The following B9D1 variants were observed in gnomAD, a reference collection of about 807,000 sequenced individuals.
B9D1 encodes the protein B9 domain containing 1, also known as B9 domain-containing protein 1.
In B9D1, 20 loss-of-function variants were observed where a neutral mutation model predicts 26.1. That is an observed-to-expected ratio of 0.77 (90% CI 0.54 to 1.12). The LOEUF is 1.12. Ranked by LOEUF, B9D1 falls within the 50% of genes most tolerant of loss-of-function variation. The pLI is 0.00. For synonymous variants in B9D1, 105 were observed against 103.1 expected (o/e 1.02, Z -0.11); for missense variants, 260 against 273.7 (o/e 0.95, Z 0.35).
In B9D1 at chr17:19,347,389, A is replaced by G; in HGVS notation, c.342-58T>C. ...GAGTAAGAGACCTTTCTGAGCCTCCAGGGAGAAGAAACCCTCAGATCAGGC... is the reference window on the plus strand; with the variant it reads ...GAGTAAGAGACCTTTCTGAGCCTCCGGGGAGAAGAAACCCTCAGATCAGGC... On this transcript the variant is annotated intron_variant, in intron 4 of 6. Coordinates refer to ENST00000261499, the MANE Select transcript of B9D1 (RefSeq NM_015681.6). This position sits in a 1 kb window ranked among gnomAD's most constrained non-coding sequence, Gnocchi z 4.3. The G allele has an allele frequency of 2.5e-6, 4 of 1,593,918 alleles. No individual in the cohort carries two copies. Among genetic ancestry groups the G allele is most frequent in the Non-Finnish European group, 3.4e-6 (4 of 1,162,320 alleles).
At position 19,347,823 on chromosome 17, in the gene B9D1, C is replaced by G. The variant is rs148240978; in HGVS notation, c.302G>C (p.Arg101Pro). ...GGGCACGTGCACGGCCCCATAGCCT[C>G]GAACCACATCGTTCCCGAACACATC... ...GPDVFGNDVV[R>P]GYGAVHVPFS... Residue 101 changes from arginine (R) to proline (P), a missense_variant, in exon 4 of 7, where the codon CGA becomes CCA. Arg to Pro is a moderately radical substitution (Grantham distance 103). Transcript: ENST00000261499. The surrounding 1 kb of genome is among the most constrained non-coding windows in gnomAD (Gnocchi z 4.3). 1 of 1,614,056 alleles carries G rather than the reference C, an allele frequency of 6.2e-7. No homozygotes were observed. The highest frequency in any genetic ancestry group is 8.5e-7 in the Non-Finnish European group (1 of 1,180,002).
In B9D1 at chr17:19,359,765, G is replaced by A. The variant is rs1361609664; in HGVS notation, c.132+555C>T. 6.6e-6 allele frequency among the ~76,000 whole-genome samples: 1 copy of A among 152,228 alleles called. No individual in the cohort carries two copies. Among genetic ancestry groups the A allele is most frequent in the East Asian group, 1.9e-4 (1 of 5,202 alleles). ...GGATTATCATCTCAGTTGTACAAAT[G>A]AGGAAACTGAGGCTCAGAGAGCTTA... On this transcript the variant is annotated intron_variant, in intron 2 of 6. Coordinates refer to ENST00000261499, the MANE Select transcript of B9D1 (RefSeq NM_015681.6). The surrounding 1 kb of genome is among the most constrained non-coding windows in gnomAD (Gnocchi z 5.0).
intron 3 of B9D1, among the ~76,000 whole-genome samples, chr17:19,353,050 ACTG>A (rs1296419351): frequency 2.0e-5 from 3 of 150,674 alleles, no homozygotes; most frequent in African/African-American, 7.3e-5. Flanking sequence ...ATCTCAGCTC[ACTG>A]CTATCTCCAC....
At chr17:19,369,566 G>A (rs1180485504) in intron 1 of B9D1, among the ~76,000 whole-genome samples, 10 of 152,118 alleles carry the variant, frequency 6.6e-5, no homozygotes, top group Admixed American at 6.6e-4. Context: ...GTGGCTGGAG[G>A]TTAAGTGAGT....
intron 3 of B9D1, among the ~76,000 whole-genome samples, chr17:19,351,150 TTTC>T (rs1909551237): frequency 6.6e-6 from 1 of 151,982 alleles, no homozygotes; most frequent in Admixed American, 6.6e-5. Context: ...GACTCTGACT[TTTC>T]TTCTTTTTAA....
chr17:19,351,704 G>C (rs1270166951), intron 3 of B9D1, among the ~76,000 whole-genome samples: 1 of 152,052 alleles, frequency 6.6e-6, no homozygotes, highest in East Asian at 1.9e-4. Context: ...AATAGACATA[G>C]GACTACTCAG....
chr17:19,371,038 G>A (rs762170588), intron 1 of B9D1, among the ~76,000 whole-genome samples: 20 of 152,210 alleles, frequency 1.3e-4, no homozygotes, highest in Non-Finnish European at 2.1e-4. Context: ...CTGAGCCCCT[G>A]CATGTAAGGC....
chr17:19,341,400 G>A (rs977777403), downstream of B9D1: 13 of 1,051,274 alleles, frequency 1.2e-5, no homozygotes, highest in South Asian at 4.9e-5. Context: ...CCCATGACAC[G>A]TGGGGCACAT....
intron 3 of B9D1, chr17:19,357,426 A>G (rs755039029): frequency 1.7e-4 from 49 of 294,160 alleles, no homozygotes; most frequent in Non-Finnish European, 6.1e-5. Context: ...AATAAAGCTC[A>G]GATGAAGAAA....
downstream of B9D1, chr17:19,340,860 A>AT (rs959156443): frequency 6.3e-6 from 1 of 158,036 alleles, no homozygotes; most frequent in African/African-American, 2.4e-5. Flanking sequence ...AGAACACACT[A>AT]AAGCCAGACA....
At position 19,343,184 on chromosome 17, in the gene B9D1, A is replaced by T; in HGVS notation, c.*135T>A. The T allele has an allele frequency of 1.3e-6, 2 of 1,484,648 alleles. No homozygotes were observed. Among genetic ancestry groups the T allele is most frequent in the South Asian group, 2.8e-5 (2 of 72,422 alleles). The allele number at this position is 1,484,648 out of a possible 1,614,324, so 92.0% of individuals were successfully genotyped here. A position where few individuals can be genotyped will look rare whatever the true frequency, so the allele number is the denominator to read the frequency against. ...AGCCCCAGGCCTAGGCTCTCTGAAAATGAGACTTTATTATACAAAACTATT... is the reference window on the plus strand; with the variant it reads ...AGCCCCAGGCCTAGGCTCTCTGAAATTGAGACTTTATTATACAAAACTATT... On this transcript the variant is annotated 3_prime_UTR_variant, in exon 7 of 7. Coordinates refer to ENST00000261499, the MANE Select transcript of B9D1 (RefSeq NM_015681.6).
At chr17:19,340,113 G>T (rs7211555), downstream of B9D1, among the ~76,000 whole-genome samples, 4 of 150,280 alleles carry the variant, frequency 2.7e-5, no homozygotes, top group East Asian at 2.1e-4. Context: ...ACCTTGACTG[G>T]GCAGGGATGC....
intron 3 of B9D1, among the ~76,000 whole-genome samples, chr17:19,353,770 G>C (rs191320139): frequency 1.3e-5 from 2 of 152,096 alleles, no homozygotes; most frequent in African/African-American, 4.8e-5. Flanking sequence ...GAAAAATCCT[G>C]TCTCTACTAA....
At chr17:19,355,401 T>C (rs915144904) in intron 3 of B9D1, among the ~76,000 whole-genome samples, 1 of 151,898 alleles carries the variant, frequency 6.6e-6, no homozygotes, top group Non-Finnish European at 1.5e-5. Flanking sequence ...TGGTGGTGCA[T>C]GCCTGTAGTC....
At chr17:19,350,795 T>A (rs756851320) in intron 3 of B9D1, among the ~76,000 whole-genome samples, 1 of 152,154 alleles carries the variant, frequency 6.6e-6, no homozygotes, top group Non-Finnish European at 1.5e-5. Flanking sequence ...GGGAGTTGAA[T>A]TTTACCATGT....
chr17:19,369,882 A>G (rs1241453288), intron 1 of B9D1, among the ~76,000 whole-genome samples: 3 of 152,108 alleles, frequency 2.0e-5, no homozygotes, highest in Non-Finnish European at 4.4e-5. Flanking sequence ...CCTCCTCCTG[A>G]GATGTTCAGA....
At chr17:19,340,892 G>A (rs558296768), downstream of B9D1, 394 of 167,104 alleles carry the variant, frequency 2.4e-3, no homozygotes, top group African/African-American at 9.2e-3. Context: ...TTAATGGTAA[G>A]TGTGCTGAAA....
chr17:19,362,652 G>A lies in B9D1; in HGVS notation c.-83C>T. ...GCCGGCGTTGCCCTAGAAACAGACGGCGTAGCGCGCAGGACACGTTTCTTG... is the reference window on the plus strand; with the variant it reads ...GCCGGCGTTGCCCTAGAAACAGACGACGTAGCGCGCAGGACACGTTTCTTG... On this transcript the variant is annotated 5_prime_UTR_variant, in exon 1 of 7. Coordinates refer to ENST00000261499, the MANE Select transcript of B9D1 (RefSeq NM_015681.6). 6.4e-7 allele frequency: 1 copy of A among 1,552,710 alleles called. No homozygotes were observed. The highest frequency in any genetic ancestry group is 8.7e-7 in the Non-Finnish European group (1 of 1,148,176).
intron 3 of B9D1, among the ~76,000 whole-genome samples, chr17:19,355,080 C>T (rs1164114494): frequency 6.6e-6 from 1 of 152,164 alleles, no homozygotes; most frequent in Non-Finnish European, 1.5e-5. Context: ...TTCTCTGTCT[C>T]CTACCTTCTC....
Sources: allele counts gnomAD v4.1 joint callset (sites outside exome capture counted in the v4.1 genomes callset), GRCh38; gene constraint gnomAD v4.1.1; non-coding constraint Gnocchi (gnomAD v3.1); transcripts MANE v1.5; gene names NCBI Gene and HGNC (gene_info 2026-07-23, HGNC 2026-07-21).